CAMKK2: variants seen among roughly 807,000 people sequenced by gnomAD.
CAMKK2 encodes the protein calcium/calmodulin dependent protein kinase kinase 2, also known as calcium/calmodulin-dependent protein kinase kinase 2.
Under a neutral mutation model 67.2 loss-of-function variants are expected in CAMKK2, and 30 were observed. The observed-to-expected ratio is 0.45, with a 90% CI of 0.33 to 0.61. CAMKK2 has a LOEUF of 0.61. Ranked by LOEUF, CAMKK2 falls within the 20% of genes least tolerant of loss-of-function variation. The probability of loss-of-function intolerance (pLI) is 0.02; values close to 1 mark genes in which losing one functional copy is unlikely to be tolerated. For missense variants in CAMKK2, 643 were observed against 802.0 expected (o/e 0.80, Z 2.39); for synonymous variants, 322 against 326.2 (o/e 0.99, Z 0.14).
chr12:121,246,268 G>A (rs956525568), intron 14 of CAMKK2, among the ~76,000 whole-genome samples: 12 of 151,280 alleles, frequency 7.9e-5, no homozygotes, highest in African/African-American at 2.2e-4. Context: ...GGGGGGAGGC[G>A]GGCGTGGTGG....
intron 1 of CAMKK2, among the ~76,000 whole-genome samples, chr12:121,281,545 TTA>T (rs2136529486): frequency 6.6e-6 from 1 of 152,368 alleles, no homozygotes; most frequent in East Asian, 1.9e-4. Flanking sequence ...TCATTTGTTC[TTA>T]CATGTAGTAA....
At position 121,246,260 on chromosome 12, in the gene CAMKK2, G is replaced by A. The variant is rs796231807; in HGVS notation, c.1453-1020C>T. ...TCAATTTAAAAGAAGGAGCGGGGGG[G>A]GGGAGGCGGGCGTGGTGGCTCATGC... On this transcript the variant is annotated intron_variant, in intron 14 of 16. Coordinates refer to ENST00000404169, the MANE Select transcript of CAMKK2 (RefSeq NM_001270485.2). Among the ~76,000 whole-genome samples the A allele has an allele frequency of 8.9e-3, 1,336 of 150,276 alleles. 24 individuals carry two copies. The highest frequency in any genetic ancestry group is 0.031 in the African/African-American group (1,274 of 40,964).
intron 7 of CAMKK2, among the ~76,000 whole-genome samples, chr12:121,258,699 T>G (rs1414788375): frequency 6.6e-6 from 1 of 152,152 alleles, no homozygotes; most frequent in Non-Finnish European, 1.5e-5. Flanking sequence ...CACCTCGAGT[T>G]GTGAAAAACT....
At position 121,285,106 on chromosome 12, in the gene CAMKK2, G is replaced by A. The variant is rs1034875438; in HGVS notation, c.-59-10521C>T. 3.5e-4 allele frequency among the ~76,000 whole-genome samples: 53 copies of A among 152,236 alleles called. No individual in the cohort carries two copies. The highest frequency in any genetic ancestry group is 1.3e-3 in the African/African-American group (53 of 41,462). ...TGGGAAGCCATCCCTCCATATGAGA[G>A]GTGGCCCTACAGGGCTGACCCCACC... On this transcript the variant is annotated intron_variant, in intron 1 of 16. Transcript: ENST00000404169. This position sits in a 1 kb window ranked among gnomAD's most constrained non-coding sequence, Gnocchi z 4.1.
chr12:121,240,879 G>C lies in CAMKK2; in HGVS notation c.1597-10C>G. Reference sequence around the variant, plus strand: ...TTCGCTGCCTTGCTTCCTGCTCACCGAACAGAAAACCAACATTAAGACTCT... The same window carrying C: ...TTCGCTGCCTTGCTTCCTGCTCACCCAACAGAAAACCAACATTAAGACTCT... On this transcript the variant is annotated splice_polypyrimidine_tract_variant and intron_variant, in intron 16 of 16. Coordinates refer to ENST00000404169, the MANE Select transcript of CAMKK2 (RefSeq NM_001270485.2). The surrounding 1 kb of genome is among the most constrained non-coding windows in gnomAD (Gnocchi z 4.4). 1 of 1,611,972 alleles carries C rather than the reference G, an allele frequency of 6.2e-7. No individual in the cohort carries two copies.
chr12:121,252,225 C>A (rs1485063055), intron 11 of CAMKK2, among the ~76,000 whole-genome samples: 1 of 152,194 alleles, frequency 6.6e-6, no homozygotes. Flanking sequence ...AGGAAGGCAT[C>A]CTTTTTCACA....
intron 3 of CAMKK2, 134 bp downstream of exon 3, chr12:121,270,764 T>C: frequency 1.5e-6 from 1 of 652,680 alleles, no homozygotes; most frequent in South Asian, 2.0e-5. Flanking sequence ...CCTAGATCAT[T>C]AATGACAAAA....
chr12:121,260,332 G>GT lies in CAMKK2; in HGVS notation c.782dup (p.Asp261GlufsTer26). On this transcript the variant is annotated frameshift_variant, in exon 7 of 17. Transcript: ENST00000404169. LOFTEE classifies it high-confidence loss of function. Reference sequence around the variant, plus strand: ...GGGCTTCCTTACCCATGTACAGATGGTCCTCATTGGGGTCATCCAGGACCT... The same window carrying GT: ...GGGCTTCCTTACCCATGTACAGATGGTTCCTCATTGGGGTCATCCAGGACCT... 1 of 1,611,074 alleles carries GT rather than the reference G, an allele frequency of 6.2e-7. No individual in the cohort carries two copies. Among genetic ancestry groups the GT allele is most frequent in the Non-Finnish European group, 8.5e-7 (1 of 1,179,130 alleles).
rs940640816 is a variant in CAMKK2 at position 121,238,720 on chromosome 12, C to A, written c.*1979G>T. On this transcript the variant is annotated 3_prime_UTR_variant, in exon 17 of 17. Transcript: ENST00000404169. ...GATGCAGCTGTGTAAACAAGAGAAG[C>A]CCTGCAGAAGCTCTAAGCACTGCTG... The A allele has an allele frequency of 1.3e-5, 2 of 149,358 alleles. No homozygotes were observed. Among genetic ancestry groups the A allele is most frequent in the East Asian group, 1.9e-4 (1 of 5,172 alleles). 9.3% of individuals were successfully genotyped at this position (149,358 alleles called of 1,614,324 possible).
Position 121,249,979 on chromosome 12 carries a change from G to T in CAMKK2, c.1217C>A (p.Ala406Asp). ...TACTCACTGGTCTGGAAATTCCAGG[G>T]CCTGACTCTTGATCTTACTGTGTAA... is the stretch of plus-strand genomic sequence containing the variant. Reference protein sequence around the residue: ...MCLHSKIKSQALEFPDQPDIA... With the variant: ...MCLHSKIKSQDLEFPDQPDIA... Residue 406 changes from alanine (A) to aspartate (D), a missense_variant, in exon 12 of 17, where the codon GCC becomes GAC. Physicochemically the swap from Ala to Asp is moderately radical, Grantham distance 126. Coordinates refer to ENST00000404169, the MANE Select transcript of CAMKK2 (RefSeq NM_001270485.2). 5.0e-6 allele frequency: 8 copies of T among 1,614,136 alleles called. No individual in the cohort carries two copies. Among genetic ancestry groups the T allele is most frequent in the Non-Finnish European group, 6.8e-6 (8 of 1,179,984 alleles).
chr12:121,244,029 T>C (rs1888905464), intron 16 of CAMKK2: 3 of 1,570,020 alleles, frequency 1.9e-6, no homozygotes, highest in African/African-American at 1.3e-5. Flanking sequence ...GCTATGTGTA[T>C]GAAGGAAGGG....
chr12:121,246,520 T>C (rs1468899505), intron 14 of CAMKK2, among the ~76,000 whole-genome samples: 2 of 151,738 alleles, frequency 1.3e-5, no homozygotes, highest in African/African-American at 4.8e-5. Context: ...CACTCCAGCC[T>C]GGGCAACGAG....
chr12:121,258,552 T>G (rs939189200), intron 7 of CAMKK2, among the ~76,000 whole-genome samples: 8 of 152,182 alleles, frequency 5.3e-5, no homozygotes, highest in African/African-American at 1.9e-4. Context: ...TTCTGATACC[T>G]ACTACCCGGC....
At position 121,263,911 on chromosome 12, in the gene CAMKK2, T is replaced by C. The variant is rs1227249732; in HGVS notation, c.654A>G (p.Pro218=). 23 of 1,608,380 alleles carry C rather than the reference T, an allele frequency of 1.4e-5. No homozygotes were observed. The Admixed American group carries it at 3.8e-4, about 27-fold the overall frequency. ...PRRPPPRGTR[P]APGGCIQPRG... Reference sequence around the variant, plus strand: ...TGGGCTGGATGCAGCCTCCAGGAGCTGGCCGGGTGCCTCGGGGTGGAGGGC... The same window carrying C: ...TGGGCTGGATGCAGCCTCCAGGAGCCGGCCGGGTGCCTCGGGGTGGAGGGC... Residue 218 remains proline, a synonymous_variant, in exon 6 of 17, where the codon CCA becomes CCG. Transcript: ENST00000404169.
At chr12:121,261,486 T>C (rs959812376) in intron 6 of CAMKK2, among the ~76,000 whole-genome samples, 13 of 152,244 alleles carry the variant, frequency 8.5e-5, no homozygotes, top group African/African-American at 2.9e-4. Context: ...TCCCCCTGAT[T>C]CTTCCCTCAT....
chr12:121,267,665 CT>C (rs1894899788), intron 5 of CAMKK2, among the ~76,000 whole-genome samples: 1 of 151,350 alleles, frequency 6.6e-6, no homozygotes, highest in South Asian at 2.1e-4. Context: ...GCTAGTTTTT[CT>C]ATTTTTAGTA....
chr12:121,249,279 C>A (rs1240645995), intron 13 of CAMKK2, among the ~76,000 whole-genome samples: 1 of 152,204 alleles, frequency 6.6e-6, no homozygotes. Context: ...AGTCCCAGGG[C>A]AAATCTCTAG....
chr12:121,277,875 G>A (rs559590139), intron 1 of CAMKK2, among the ~76,000 whole-genome samples: 1 of 152,302 alleles, frequency 6.6e-6, no homozygotes, highest in Admixed American at 6.5e-5. Context: ...GCTGAAGCAG[G>A]AGAATCACTT....
intron 5 of CAMKK2, 22 bp from the exon 6 acceptor site, chr12:121,263,961 C>G: frequency 1.3e-6 from 2 of 1,572,752 alleles, no homozygotes; most frequent in East Asian, 2.3e-5. Flanking sequence ...AAAAACAGAC[C>G]CAGGGTCAGG....
Sources: gnomAD v4.1 joint callset for allele counts (sites outside exome capture counted in the v4.1 genomes callset) on GRCh38, gnomAD v4.1.1 for gene constraint, Gnocchi (gnomAD v3.1) non-coding constraint, MANE v1.5 for transcripts, NCBI Gene and HGNC (gene_info 2026-07-23, HGNC 2026-07-21) for gene names.